Variants in LATS2 observed in about 807,000 individuals in gnomAD.
LATS2 encodes the protein large tumor suppressor kinase 2.
Under a neutral mutation model 76.0 loss-of-function variants are expected in LATS2, and 24 were observed. The observed-to-expected ratio is 0.32, with a 90% confidence interval of 0.23 to 0.44. LATS2 has a LOEUF of 0.44. LATS2 is among the 20% of genes least tolerant of loss of function. The probability of loss-of-function intolerance (pLI) is 1.00; values close to 1 mark genes in which losing one functional copy is unlikely to be tolerated. For missense variants in LATS2, 1,286 were observed against 1,481.2 expected (o/e 0.87, Z 2.16); for synonymous variants, 692 against 635.4 (o/e 1.09, Z -1.34).
intron 2 of LATS2, among the ~76,000 whole-genome samples, chr13:21,028,218 T>G (rs867664752): frequency 6.6e-6 from 1 of 152,198 alleles, no homozygotes; most frequent in Non-Finnish European, 1.5e-5. Flanking sequence ...CTGAGAATGA[T>G]GATTTCCAAT....
At position 20,989,041 on chromosome 13, in the gene LATS2, G is replaced by T. The variant is rs758975100; in HGVS notation, c.739C>A (p.Pro247Thr). 6.4e-7 allele frequency: 1 copy of T among 1,570,246 alleles called. No homozygotes were observed. Among genetic ancestry groups the T allele is most frequent in the Non-Finnish European group, 8.6e-7 (1 of 1,164,014 alleles). ...ASVEAAGAHF[P>T]LQGAHYGRPH... ...CGCCCGTAGTGCGCGCCCTGCAGCG[G>T]GAAGTGTGCCCCTGCTGCCTCTACG... is the stretch of plus-strand genomic sequence containing the variant. The change falls in exon 4 of 8, where the codon CCG becomes ACG. Residue 247 changes from proline (P) to threonine (T), a missense_variant. Physicochemically the swap from Pro to Thr is conservative, Grantham distance 38. This residue lies in a region of LATS2 where 710 missense variants were observed against 660.9 expected (regional missense o/e 1.07). Transcript: ENST00000382592.
chr13:21,035,562 T>G (rs1244130656), intron 2 of LATS2, among the ~76,000 whole-genome samples: 2 of 151,956 alleles, frequency 1.3e-5, no homozygotes, highest in African/African-American at 4.8e-5. Flanking sequence ...CAATCTAGAC[T>G]GTACATGAGT....
intron 2 of LATS2, among the ~76,000 whole-genome samples, chr13:21,040,451 G>C (rs888037841): frequency 6.6e-6 from 1 of 152,060 alleles, no homozygotes; most frequent in African/African-American, 2.4e-5. Flanking sequence ...GGAACAGCTC[G>C]ATCCAGGTGG....
intron 2 of LATS2, among the ~76,000 whole-genome samples, chr13:21,012,682 C>A (rs1871640968): frequency 6.6e-6 from 1 of 151,960 alleles, no homozygotes; most frequent in Non-Finnish European, 1.5e-5. Flanking sequence ...AAGCGCTTTG[C>A]AGATTTTTTA....
chr13:21,046,357 A>C, intron 1 of LATS2, 127 bp from the exon 2 acceptor site: 1 of 276,390 alleles, frequency 3.6e-6, no homozygotes, highest in Non-Finnish European at 7.0e-6. Flanking sequence ...AGAACGCATC[A>C]CCTCTCAGAA....
chr13:21,041,959 C>A (rs1401333350), intron 2 of LATS2, among the ~76,000 whole-genome samples: 2 of 152,170 alleles, frequency 1.3e-5, no homozygotes, highest in Admixed American at 6.5e-5. Flanking sequence ...GAAAACAAGT[C>A]CCAGGCTTCC....
At chr13:20,976,954 T>C (rs1232197069) in intron 7 of LATS2, among the ~76,000 whole-genome samples, 1 of 152,060 alleles carries the variant, frequency 6.6e-6, no homozygotes, top group Non-Finnish European at 1.5e-5. Flanking sequence ...CTGGTTTATA[T>C]CCAAAAGAAC....
At chr13:21,047,851 G>A (rs11842208) in intron 1 of LATS2, among the ~76,000 whole-genome samples, 1 of 152,164 alleles carries the variant, frequency 6.6e-6, no homozygotes, top group Non-Finnish European at 1.5e-5. Context: ...TCCTTGCTTA[G>A]ATGGGAAGGG....
chr13:21,035,479 A>C (rs964457825), intron 2 of LATS2, among the ~76,000 whole-genome samples: 3 of 152,162 alleles, frequency 2.0e-5, no homozygotes, highest in Non-Finnish European at 4.4e-5. Flanking sequence ...GGAGACCCAG[A>C]ACTCGGAGCC....
intron 1 of LATS2, among the ~76,000 whole-genome samples, chr13:21,057,020 C>T (rs1374328620): frequency 1.3e-5 from 2 of 152,152 alleles, no homozygotes; most frequent in African/African-American, 4.8e-5. Context: ...GAGTGAGACT[C>T]CCGAGTAAGA....
At chr13:20,999,628 A>T (rs567212945) in intron 2 of LATS2, among the ~76,000 whole-genome samples, 7 of 151,998 alleles carry the variant, frequency 4.6e-5, no homozygotes, top group South Asian at 2.1e-4. Context: ...CTAATTTTTT[A>T]AAAAATTTTT....
At chr13:20,979,886 T>C (rs573947952) in intron 6 of LATS2, 89 bp from the exon 7 acceptor site, 62 of 747,058 alleles carry the variant, frequency 8.3e-5, no homozygotes, top group Non-Finnish European at 1.2e-4. Flanking sequence ...ACAGATTTCC[T>C]GTTAAGTGGG....
chr13:20,994,063 A>G (rs949419764), intron 2 of LATS2, among the ~76,000 whole-genome samples: 2 of 152,220 alleles, frequency 1.3e-5, no homozygotes, highest in Admixed American at 6.5e-5. Context: ...GACTAGGTCA[A>G]TGTGGATGTT....
intron 1 of LATS2, among the ~76,000 whole-genome samples, chr13:21,054,740 G>A (rs1267864402): frequency 6.6e-6 from 1 of 152,272 alleles, no homozygotes; most frequent in Non-Finnish European, 1.5e-5. Flanking sequence ...TCCCTAGCCA[G>A]ATCAGGAGTC....
chr13:20,975,302 C>T lies in LATS2; in HGVS notation c.2835G>A (p.Arg945=). 6 of 1,609,884 alleles carry T rather than the reference C, an allele frequency of 3.7e-6. No homozygotes were observed. The highest frequency in any genetic ancestry group is 5.1e-6 in the Non-Finnish European group (6 of 1,177,514). ...AGCAGCACAGCTTGGTGATGAGGTC[C>T]CTGGCCTCAGGGCTCAGCTTCACCT... The part of the protein sequence containing the change: ...PAQVKLSPEA[R]DLITKLCCSA... The change falls in exon 8 of 8, where the codon AGG becomes AGA. Residue 945 remains arginine, a synonymous_variant. Transcript: ENST00000382592.
intron 2 of LATS2, among the ~76,000 whole-genome samples, chr13:21,026,850 G>A (rs1872327091): frequency 6.6e-6 from 1 of 152,144 alleles, no homozygotes; most frequent in South Asian, 2.1e-4. Context: ...TGAATTTTAA[G>A]AAAATTCCAA....
At chr13:21,045,604 A>G in intron 2 of LATS2, 81 bp downstream of exon 2, 1 of 1,072,712 alleles carries the variant, frequency 9.3e-7, no homozygotes, top group African/African-American at 1.6e-5. Context: ...CAAAGCCTTC[A>G]AGTAGTTGCC....
chr13:21,023,589 G>A (rs951639538), intron 2 of LATS2, among the ~76,000 whole-genome samples: 8 of 138,400 alleles, frequency 5.8e-5, no homozygotes, highest in Non-Finnish European at 1.1e-4. Flanking sequence ...AAGGTCTTAG[G>A]ATTTCAAAAG....
chr13:21,008,979 G>A (rs912321578), intron 2 of LATS2, among the ~76,000 whole-genome samples: 2 of 152,106 alleles, frequency 1.3e-5, no homozygotes, highest in Non-Finnish European at 2.9e-5. Flanking sequence ...AAAAAAGCAC[G>A]TTGCAAAATC....
Sources: gnomAD v4.1 joint callset for allele counts (sites outside exome capture counted in the v4.1 genomes callset) on GRCh38, gnomAD v4.1.1 for gene constraint, gnomAD v4.1.1 regional missense constraint, MANE v1.5 for transcripts, NCBI Gene and HGNC (gene_info 2026-07-23, HGNC 2026-07-21) for gene names.